Variants in CNTN5 observed in about 807,000 individuals in gnomAD.
CNTN5 encodes the protein contactin-5.
In CNTN5, 77 loss-of-function variants were observed where a neutral mutation model predicts 129.1. The observed-to-expected ratio is 0.60, with a 90% CI of 0.50 to 0.72. The LOEUF is 0.72. Among genes scored for constraint, CNTN5 ranks in the 30% least tolerant of loss-of-function variants. CNTN5 has a pLI of 0.00. For synonymous variants in CNTN5, 509 were observed against 465.6 expected, an observed-to-expected ratio of 1.09 and a Z score of -1.20; for missense variants, 1,478 against 1,328.8, an observed-to-expected ratio of 1.11 and a Z score of -1.75.
rs1163660333 is a variant in CNTN5 at position 99,382,845 on chromosome 11, C to CTTTTTTTTTTTTTTTTTTTT, written c.-71+57372_-71+57391dup. 1.4e-4 allele frequency among the ~76,000 whole-genome samples: 11 copies of CTTTTTTTTTTTTTTTTTTTT among 77,040 alleles called. 3 individuals carry two copies. The highest frequency in any genetic ancestry group is 4.4e-4 in the Admixed American group (2 of 4,596). The allele number at this position is 77,040 out of a possible 152,430, so 50.5% of individuals were successfully genotyped here. A position where few individuals can be genotyped will look rare whatever the true frequency, so the allele number is the denominator to read the frequency against. The stretch of plus-strand genomic sequence containing the variant: ...ACATCTCACTAGTGTCTCTAAATAA[C>CTTTTTTTTTTTTTTTTTTTT]TTTTTTTTTTTTTTTTTTTTTTTTT... On this transcript the variant is annotated intron_variant, in intron 2 of 24. Transcript: ENST00000524871.
chr11:99,097,223 C>T (rs1404078900), intron 1 of CNTN5, among the ~76,000 whole-genome samples: 1 of 151,864 alleles, frequency 6.6e-6, no homozygotes, highest in Non-Finnish European at 1.5e-5. Context: ...TACAGTCCAA[C>T]AATTTTTTTA....
At chr11:100,068,651 AAG>A (rs1262670538) in intron 10 of CNTN5, among the ~76,000 whole-genome samples, 1 of 152,212 alleles carries the variant, frequency 6.6e-6, no homozygotes, top group Non-Finnish European at 1.5e-5. Context: ...CATAACTACA[AAG>A]AGATGATTTC....
intron 18 of CNTN5, among the ~76,000 whole-genome samples, chr11:100,288,549 T>C (rs1950861043): frequency 6.6e-6 from 1 of 152,070 alleles, no homozygotes. Context: ...AAAGATGTTC[T>C]TTGAAACCAA....
intron 1 of CNTN5, among the ~76,000 whole-genome samples, chr11:99,029,882 A>G (rs1863280709): frequency 6.6e-6 from 1 of 152,186 alleles, no homozygotes; most frequent in East Asian, 1.9e-4. Context: ...AATTATAATC[A>G]ATGAATTTAA....
chr11:99,392,753 G>A (rs1011171407), intron 2 of CNTN5, among the ~76,000 whole-genome samples: 4 of 151,840 alleles, frequency 2.6e-5, no homozygotes, highest in Non-Finnish European at 5.9e-5. Flanking sequence ...CTAAAAGGTT[G>A]CCATGAATTG....
At chr11:99,731,515 A>C (rs768346717) in intron 3 of CNTN5, among the ~76,000 whole-genome samples, 1 of 152,136 alleles carries the variant, frequency 6.6e-6, no homozygotes. Flanking sequence ...CCCTTAAATT[A>C]AGCCCTTATT....
chr11:99,049,272 T>C (rs1392122926), intron 1 of CNTN5, among the ~76,000 whole-genome samples: 2 of 152,192 alleles, frequency 1.3e-5, no homozygotes, highest in African/African-American at 4.8e-5. Flanking sequence ...TTGTAGCAAT[T>C]GACTTAACTT....
chr11:100,236,471 T>C (rs1418686924), intron 16 of CNTN5, among the ~76,000 whole-genome samples: 2 of 152,168 alleles, frequency 1.3e-5, no homozygotes, highest in Admixed American at 6.5e-5. Context: ...CCTTTTTACA[T>C]TGGGGGCATA....
intron 9 of CNTN5, among the ~76,000 whole-genome samples, chr11:100,035,794 C>A (rs1183799826): frequency 6.6e-6 from 1 of 151,814 alleles, no homozygotes; most frequent in African/African-American, 2.4e-5. Flanking sequence ...TGTTCATATC[C>A]TTTGCCCACT....
intron 2 of CNTN5, among the ~76,000 whole-genome samples, chr11:99,414,408 A>G (rs1942545694): frequency 6.6e-6 from 1 of 152,072 alleles, no homozygotes; most frequent in Non-Finnish European, 1.5e-5. Flanking sequence ...AAACTCTTTT[A>G]AGCACTATGA....
chr11:100,307,052 G>A (rs555237165), intron 20 of CNTN5, among the ~76,000 whole-genome samples: 1 of 151,728 alleles, frequency 6.6e-6, no homozygotes, highest in South Asian at 2.1e-4. Context: ...GGCTCCTTTT[G>A]CAGTAACAGG....
At position 99,768,002 on chromosome 11, in the gene CNTN5, T is replaced by A. The variant is rs538611875; in HGVS notation, c.56-51542T>A. Among the ~76,000 whole-genome samples, 28 of 152,232 alleles carry A rather than the reference T, an allele frequency of 1.8e-4. 1 individual carries two copies. In the South Asian group the frequency reaches 5.4e-3, roughly 29 times the overall value. On this transcript the variant is annotated intron_variant, in intron 3 of 24. Coordinates refer to ENST00000524871, the MANE Select transcript of CNTN5 (RefSeq NM_014361.4). Reference sequence around the variant, plus strand: ...GCTTGTCATCTGCTTCTATCAGTAGTTTTATTGGAACAAATCTATGCCCAT... The same window carrying A: ...GCTTGTCATCTGCTTCTATCAGTAGATTTATTGGAACAAATCTATGCCCAT...
intron 2 of CNTN5, among the ~76,000 whole-genome samples, chr11:99,359,686 T>C (rs1214108267): frequency 6.6e-6 from 1 of 152,028 alleles, no homozygotes; most frequent in Non-Finnish European, 1.5e-5. Context: ...AATTCTCATC[T>C]GAATATCAGC....
chr11:100,304,231 G>A (rs756550041), intron 20 of CNTN5, among the ~76,000 whole-genome samples: 6 of 151,464 alleles, frequency 4.0e-5, no homozygotes, highest in Non-Finnish European at 7.4e-5. Context: ...GTTAGCCATG[G>A]CCTAATTAAT....
chr11:99,147,194 A>G (rs1270815040), intron 1 of CNTN5, among the ~76,000 whole-genome samples: 1 of 152,200 alleles, frequency 6.6e-6, no homozygotes, highest in Non-Finnish European at 1.5e-5. Context: ...GGACACAATT[A>G]AAACCAAAAC....
At chr11:99,774,131 A>G (rs558665805) in intron 3 of CNTN5, among the ~76,000 whole-genome samples, 1 of 152,050 alleles carries the variant, frequency 6.6e-6, no homozygotes, top group Non-Finnish European at 1.5e-5. Context: ...GAATGGTTTA[A>G]GTTTTCGAAC....
chr11:99,800,212 A>G (rs958021072), intron 3 of CNTN5, among the ~76,000 whole-genome samples: 2 of 151,768 alleles, frequency 1.3e-5, no homozygotes, highest in East Asian at 1.9e-4. Flanking sequence ...CTTTAATTTC[A>G]TTGTTTACTT....
intron 2 of CNTN5, among the ~76,000 whole-genome samples, chr11:99,495,203 C>T (rs573790910): frequency 2.0e-5 from 3 of 152,118 alleles, no homozygotes; most frequent in South Asian, 4.1e-4. Flanking sequence ...CCCGTCTCTA[C>T]TAAAAATACA....
chr11:99,269,837 G>T (rs915629933), intron 1 of CNTN5, among the ~76,000 whole-genome samples: 1 of 151,852 alleles, frequency 6.6e-6, no homozygotes, highest in Admixed American at 6.6e-5. Context: ...GATATAAATT[G>T]CAGAATTTGA....
Sources: allele counts gnomAD v4.1 joint callset (sites outside exome capture counted in the v4.1 genomes callset), GRCh38; gene constraint gnomAD v4.1.1; transcripts MANE v1.5; gene names NCBI Gene and HGNC (gene_info 2026-07-23, HGNC 2026-07-21).